PEBP4: variants seen among roughly 807,000 people sequenced by gnomAD.
PEBP4 encodes phosphatidylethanolamine-binding protein 4.
Under a neutral mutation model 23.9 loss-of-function variants are expected in PEBP4, and 22 were observed. That is an observed-to-expected ratio of 0.92 (90% CI 0.66 to 1.31). The LOEUF (loss-of-function observed/expected upper bound fraction) is 1.31. Among genes scored for constraint, PEBP4 ranks in the 40% most tolerant of loss-of-function variants. PEBP4 has a pLI of 0.00. For missense variants in PEBP4, 324 were observed against 281.7 expected, an observed-to-expected ratio of 1.15 and a Z score of -1.07; for synonymous variants, 112 against 99.3, an observed-to-expected ratio of 1.13 and a Z score of -0.76.
chr8:22,836,652 G>A (rs909929598), intron 3 of PEBP4, among the ~76,000 whole-genome samples: 1 of 152,212 alleles, frequency 6.6e-6, no homozygotes, highest in Admixed American at 6.5e-5. Context: ...GGCCAGCCGG[G>A]TGGCGAGTTC....
intron 4 of PEBP4, among the ~76,000 whole-genome samples, chr8:22,772,196 A>C (rs1805729472): frequency 6.6e-6 from 1 of 152,224 alleles, no homozygotes; most frequent in Non-Finnish European, 1.5e-5. Context: ...CCCCTATTAC[A>C]TAGATGAGAA....
At chr8:22,790,504 C>T (rs931960548) in intron 4 of PEBP4, among the ~76,000 whole-genome samples, 1 of 152,148 alleles carries the variant, frequency 6.6e-6, no homozygotes, top group African/African-American at 2.4e-5. Flanking sequence ...CCAGACAAGG[C>T]CCCTAAGCAT....
intron 4 of PEBP4, among the ~76,000 whole-genome samples, chr8:22,768,505 A>G (rs932539501): frequency 5.9e-5 from 9 of 152,150 alleles, no homozygotes; most frequent in Admixed American, 2.0e-4. Flanking sequence ...CCAAGGCCCC[A>G]CGGTGCTGAG....
chr8:22,789,857 G>C (rs916322924), intron 4 of PEBP4, among the ~76,000 whole-genome samples: 6 of 152,238 alleles, frequency 3.9e-5, no homozygotes, highest in African/African-American at 1.4e-4. Flanking sequence ...TTTTTACCGA[G>C]TTCAACATCT....
chr8:22,798,646 G>A (rs1327846404), intron 4 of PEBP4: 2 of 148,716 alleles, frequency 1.3e-5, no homozygotes, highest in Non-Finnish European at 3.0e-5. Flanking sequence ...GGAACCGTGA[G>A]TAATAAACTT....
At chr8:22,917,912 A>G (rs1429574890) in intron 3 of PEBP4, among the ~76,000 whole-genome samples, 1 of 152,208 alleles carries the variant, frequency 6.6e-6, no homozygotes, top group African/African-American at 2.4e-5. Context: ...CTCTATTTAC[A>G]AATGAAAACA....
At chr8:22,804,792 T>C (rs1210470407) in intron 4 of PEBP4, among the ~76,000 whole-genome samples, 2 of 152,114 alleles carry the variant, frequency 1.3e-5, no homozygotes, top group African/African-American at 4.8e-5. Context: ...AGAACCTCCA[T>C]CCTTCCTGGT....
intron 4 of PEBP4, among the ~76,000 whole-genome samples, chr8:22,789,788 G>GA (rs1806099702): frequency 6.6e-6 from 1 of 151,998 alleles, no homozygotes; most frequent in Non-Finnish European, 1.5e-5. Flanking sequence ...CCTTCCTCCA[G>GA]AAAAAATTCC....
rs563417127 is a variant in PEBP4, at chr8:22,775,713, G to A, written c.357+41924C>T. On this transcript the variant is annotated intron_variant, in intron 4 of 6. Transcript: ENST00000256404. This position sits in a 1 kb window ranked among gnomAD's most constrained non-coding sequence, Gnocchi z 4.8. The stretch of plus-strand genomic sequence containing the variant: ...TTAGCTCCGTTCATCACAGGCACAC[G>A]GGGCTTCCCTCAGCCCTCCTGTGCA... Among the ~76,000 whole-genome samples the A allele has an allele frequency of 2.6e-5, 4 of 152,230 alleles. No homozygotes were observed. The East Asian group carries it at 5.8e-4, about 22-fold the overall frequency.
At chr8:22,860,541 T>C (rs949955060) in intron 3 of PEBP4, among the ~76,000 whole-genome samples, 1 of 152,218 alleles carries the variant, frequency 6.6e-6, no homozygotes, top group Admixed American at 6.5e-5. Flanking sequence ...TCCATCCATG[T>C]AGTAGCATGG....
At chr8:22,803,413 A>G (rs946830021) in intron 4 of PEBP4, among the ~76,000 whole-genome samples, 1 of 152,050 alleles carries the variant, frequency 6.6e-6, no homozygotes, top group Non-Finnish European at 1.5e-5. Flanking sequence ...CACACCTGTA[A>G]TCCCAGCACT....
At chr8:22,896,899 G>A (rs1241498682) in intron 3 of PEBP4, among the ~76,000 whole-genome samples, 2 of 149,340 alleles carry the variant, frequency 1.3e-5, no homozygotes, top group African/African-American at 2.5e-5. Flanking sequence ...TAATATATAT[G>A]GTATATTTGG....
intron 6 of PEBP4, among the ~76,000 whole-genome samples, chr8:22,719,495 T>A (rs1804478603): frequency 6.6e-6 from 1 of 151,694 alleles, no homozygotes; most frequent in Non-Finnish European, 1.5e-5. Flanking sequence ...CGTGGACCAT[T>A]CTGGGCAGCT....
chr8:22,812,474 A>G (rs756689864), intron 4 of PEBP4, among the ~76,000 whole-genome samples: 17 of 152,020 alleles, frequency 1.1e-4, no homozygotes, highest in Non-Finnish European at 2.4e-4. Context: ...ATCAGCAAGC[A>G]CTCTTTATGG....
At chr8:22,759,424 C>G (rs574183961) in intron 4 of PEBP4, among the ~76,000 whole-genome samples, 1 of 151,840 alleles carries the variant, frequency 6.6e-6, no homozygotes, top group East Asian at 1.9e-4. Flanking sequence ...GCAACCATGT[C>G]CCAAGTGCCT....
At chr8:22,794,917 T>C (rs923680797) in intron 4 of PEBP4, among the ~76,000 whole-genome samples, 6 of 151,900 alleles carry the variant, frequency 3.9e-5, no homozygotes, top group Non-Finnish European at 8.8e-5. Context: ...ATAAAGAGTG[T>C]CAACATTTAT....
At chr8:22,923,286 G>C (rs931474405) in intron 2 of PEBP4, among the ~76,000 whole-genome samples, 1 of 152,156 alleles carries the variant, frequency 6.6e-6, no homozygotes, top group Admixed American at 6.5e-5. Flanking sequence ...GATCACAAGG[G>C]CTGGGCGTGG....
At chr8:22,798,739 T>TC (rs1806320080) in intron 4 of PEBP4, 1 of 122,928 alleles carries the variant, frequency 8.1e-6, no homozygotes, top group Non-Finnish European at 1.6e-5. Context: ...TTTTTTTTTT[T>TC]TTTTTTTTTT....
intron 4 of PEBP4, among the ~76,000 whole-genome samples, chr8:22,796,723 C>A (rs879418276): frequency 1.3e-5 from 2 of 152,166 alleles, no homozygotes; most frequent in Admixed American, 6.5e-5. Flanking sequence ...TTCTCACTTA[C>A]AAGTGAGAGC....
Sources: allele counts gnomAD v4.1 joint callset (sites outside exome capture counted in the v4.1 genomes callset), GRCh38; gene constraint gnomAD v4.1.1; non-coding constraint Gnocchi (gnomAD v3.1); transcripts MANE v1.5; gene names NCBI Gene and HGNC (gene_info 2026-07-23, HGNC 2026-07-21).